SCFD2: variants seen among roughly 807,000 people sequenced by gnomAD.
The protein encoded by SCFD2 is sec1 family domain-containing protein 2.
Under a neutral mutation model 58.9 loss-of-function variants are expected in SCFD2, and 54 were observed. The observed-to-expected ratio is 0.92, with a 90% CI of 0.74 to 1.15. SCFD2 has a LOEUF of 1.15. SCFD2 is among the 50% of genes most tolerant of loss of function. SCFD2 has a pLI of 0.00. For synonymous variants in SCFD2, 321 were observed against 335.9 expected (o/e 0.96, Z 0.49); for missense variants, 805 against 836.6 (o/e 0.96, Z 0.47).
chr4:53,324,455 T>C (rs534108552), intron 2 of SCFD2, among the ~76,000 whole-genome samples: 1 of 141,128 alleles, frequency 7.1e-6, no homozygotes, highest in African/African-American at 2.6e-5. Flanking sequence ...CCAGGATACA[T>C]AGGGACAGAA....
intron 4 of SCFD2, among the ~76,000 whole-genome samples, chr4:53,267,350 A>T (rs1341150520): frequency 1.3e-5 from 2 of 152,206 alleles, no homozygotes; most frequent in Admixed American, 1.3e-4. Flanking sequence ...CTGCCCATAT[A>T]TTATGACTTG....
chr4:53,134,116 T>C (rs565720794), intron 5 of SCFD2, among the ~76,000 whole-genome samples: 1 of 152,316 alleles, frequency 6.6e-6, no homozygotes, highest in South Asian at 2.1e-4. Flanking sequence ...TCCATTTATA[T>C]GAGGTATAGG....
At chr4:53,167,688 C>T (rs775968388) in intron 4 of SCFD2, among the ~76,000 whole-genome samples, 1 of 151,954 alleles carries the variant, frequency 6.6e-6, no homozygotes. Flanking sequence ...ACATGAGAAC[C>T]TAGGATAAAG....
chr4:53,226,000 C>T (rs1729201193), intron 4 of SCFD2, among the ~76,000 whole-genome samples: 1 of 152,094 alleles, frequency 6.6e-6, no homozygotes, highest in Non-Finnish European at 1.5e-5. Flanking sequence ...TTTGATCTCG[C>T]TGTATTGCCC....
intron 7 of SCFD2, among the ~76,000 whole-genome samples, chr4:52,906,372 C>T (rs562576197): frequency 3.9e-4 from 59 of 152,320 alleles, no homozygotes; most frequent in Admixed American, 2.0e-3. Flanking sequence ...GGTTGGAAAC[C>T]GTGTCTAGTC....
In SCFD2 at chr4:53,252,726, A is replaced by G. The variant is rs142875709; in HGVS notation, c.1311+21100T>C. On this transcript the variant is annotated intron_variant, in intron 4 of 8. Transcript: ENST00000401642. ...GATCCTTTCCTTACACCTTAGAGAAAAATTAATTCAAGATGGATTATTAAA... is the reference window on the plus strand; with the variant it reads ...GATCCTTTCCTTACACCTTAGAGAAGAATTAATTCAAGATGGATTATTAAA... Among the ~76,000 whole-genome samples, 307 of 152,320 alleles carry G rather than the reference A, an allele frequency of 2.0e-3. 1 individual carries two copies. The highest frequency in any genetic ancestry group is 7.1e-3 in the African/African-American group (294 of 41,558).
chr4:53,239,322 C>T (rs1007887382), intron 4 of SCFD2, among the ~76,000 whole-genome samples: 4 of 150,408 alleles, frequency 2.7e-5, no homozygotes, highest in African/African-American at 9.9e-5. Context: ...TTTGGCTCAG[C>T]ATGAGAGGGA....
chr4:53,157,812 C>T (rs1267276755), intron 4 of SCFD2, among the ~76,000 whole-genome samples: 3 of 152,168 alleles, frequency 2.0e-5, no homozygotes, highest in African/African-American at 7.2e-5. Context: ...CTTTTCCTCT[C>T]TCCACAGCTG....
At chr4:53,068,071 A>G (rs1440638349) in intron 5 of SCFD2, among the ~76,000 whole-genome samples, 1 of 152,146 alleles carries the variant, frequency 6.6e-6, no homozygotes, top group Non-Finnish European at 1.5e-5. Flanking sequence ...TTAAAACTCA[A>G]ATGTTAACAT....
chr4:53,325,843 G>A (rs1334636103), intron 2 of SCFD2, among the ~76,000 whole-genome samples: 2 of 152,092 alleles, frequency 1.3e-5, no homozygotes, highest in African/African-American at 4.8e-5. Flanking sequence ...AAGCCACTTT[G>A]TCCAGTTTTT....
chr4:53,110,190 T>C (rs1380686892), intron 5 of SCFD2, among the ~76,000 whole-genome samples: 8 of 152,202 alleles, frequency 5.3e-5, no homozygotes, highest in Non-Finnish European at 1.5e-5. Flanking sequence ...GCTAGCTATA[T>C]GCAGAAAACT....
At chr4:53,302,525 C>T (rs1171664116) in intron 3 of SCFD2, among the ~76,000 whole-genome samples, 1 of 152,094 alleles carries the variant, frequency 6.6e-6, no homozygotes, top group African/African-American at 2.4e-5. Context: ...GCCATACTGC[C>T]CAAGGTAATT....
chr4:52,916,296 G>A (rs1056297914), intron 6 of SCFD2, among the ~76,000 whole-genome samples: 2 of 152,226 alleles, frequency 1.3e-5, no homozygotes, highest in African/African-American at 4.8e-5. Flanking sequence ...GCGGCCGGGC[G>A]CAGTAGCTCA....
chr4:52,896,637 G>A (rs1465964124), intron 7 of SCFD2, among the ~76,000 whole-genome samples: 2 of 152,198 alleles, frequency 1.3e-5, no homozygotes, highest in South Asian at 2.1e-4. Context: ...TTGACTTGGC[G>A]ATGTGGGCTC....
intron 2 of SCFD2, among the ~76,000 whole-genome samples, chr4:53,316,804 G>T (rs1039818142): frequency 1.3e-5 from 2 of 152,046 alleles, no homozygotes; most frequent in Admixed American, 1.3e-4. Flanking sequence ...CTTAAAAATT[G>T]TTTTGCTGAT....
chr4:53,344,395 A>T (rs1454916957), intron 2 of SCFD2, among the ~76,000 whole-genome samples: 1 of 152,200 alleles, frequency 6.6e-6, no homozygotes, highest in Non-Finnish European at 1.5e-5. Context: ...CTTACAAGGG[A>T]TGTGAAGGAC....
Position 52,898,220 on chromosome 4 carries a change from C to T in SCFD2, c.1842+9237G>A, listed in dbSNP as rs370095627. On this transcript the variant is annotated intron_variant, in intron 7 of 8. Transcript: ENST00000401642. ...CTTTTGAATGTGTTTGCTCTTGCTT[C>T]TCTAGTTCTTTTAATTGTGATGTTA... Among the ~76,000 whole-genome samples the T allele has an allele frequency of 7.2e-4, 110 of 152,172 alleles. 1 individual carries two copies. In the East Asian group the frequency reaches 0.02, roughly 28 times the overall value.
intron 4 of SCFD2, among the ~76,000 whole-genome samples, chr4:53,155,784 T>C (rs764681873): frequency 3.0e-4 from 45 of 152,200 alleles, no homozygotes; most frequent in Non-Finnish European, 3.7e-4. Flanking sequence ...AGATCCAGAA[T>C]AATTATATAA....
intron 2 of SCFD2, among the ~76,000 whole-genome samples, chr4:53,318,094 G>A (rs541440123): frequency 2.7e-4 from 41 of 152,272 alleles, no homozygotes; most frequent in African/African-American, 8.2e-4. Context: ...AATAGATAAT[G>A]TAGAATTCAT....
Sources: gnomAD v4.1 joint callset for allele counts (sites outside exome capture counted in the v4.1 genomes callset) on GRCh38, gnomAD v4.1.1 for gene constraint, MANE v1.5 for transcripts, NCBI Gene and HGNC (gene_info 2026-07-23, HGNC 2026-07-21) for gene names.